The following CHP1 variants were observed in gnomAD, a reference collection of about 807,000 sequenced individuals.
CHP1 encodes the protein calcineurin B homologous protein 1.
Under a neutral mutation model 27.4 loss-of-function variants are expected in CHP1, and 11 were observed. The observed-to-expected ratio is 0.40, with a 90% CI of 0.25 to 0.67. The LOEUF is 0.67. CHP1 is among the 30% of genes least tolerant of loss of function. CHP1 has a pLI of 0.38. For missense variants in CHP1, 169 were observed against 251.3 expected (o/e 0.67, Z 2.22); for synonymous variants, 89 against 87.4 (o/e 1.02, Z -0.10).
At chr15:41,277,364 C>G (rs2047524167) in intron 5 of CHP1, among the ~76,000 whole-genome samples, 1 of 152,190 alleles carries the variant, frequency 6.6e-6, no homozygotes, top group African/African-American at 2.4e-5. Context: ...ATATCTGTGG[C>G]TGGGCATGGT....
Position 41,275,634 on chromosome 15 carries a change from T to C in CHP1, c.412-3133T>C, listed in dbSNP as rs117995446. ...GGAGTGCAGCAACTATTCACAGGCATGATCATAGCACACTGCAGCCTTGAA... is the reference window on the plus strand; with the variant it reads ...GGAGTGCAGCAACTATTCACAGGCACGATCATAGCACACTGCAGCCTTGAA... On this transcript the variant is annotated intron_variant, in intron 5 of 6. Coordinates refer to ENST00000334660, the MANE Select transcript of CHP1 (RefSeq NM_007236.5). Among the ~76,000 whole-genome samples, 1,056 of 152,302 alleles carry C rather than the reference T, an allele frequency of 6.9e-3. 19 individuals are homozygous for C. Among genetic ancestry groups the C allele is most frequent in the East Asian group, 0.055 (283 of 5,178 alleles).
intron 6 of CHP1, 109 bp from the exon 7 acceptor site, chr15:41,279,227 G>A: frequency 6.5e-6 from 5 of 773,592 alleles, no homozygotes; most frequent in South Asian, 1.8e-5. Flanking sequence ...AAAAAAAAAA[G>A]TTACGTTTTA....
chr15:41,242,023 T>C (rs942166802), intron 1 of CHP1, among the ~76,000 whole-genome samples: 1 of 152,172 alleles, frequency 6.6e-6, no homozygotes, highest in African/African-American at 2.4e-5. Context: ...AAGGCCTTTT[T>C]GAGTTTTTAG....
intron 5 of CHP1, among the ~76,000 whole-genome samples, chr15:41,277,070 A>G (rs560879178): frequency 6.6e-6 from 1 of 152,346 alleles, no homozygotes; most frequent in South Asian, 2.1e-4. Context: ...TTCTGCTTAC[A>G]TCATTGCCTA....
intron 1 of CHP1, among the ~76,000 whole-genome samples, chr15:41,241,042 G>C (rs1003876474): frequency 6.6e-6 from 1 of 152,076 alleles, no homozygotes; most frequent in Non-Finnish European, 1.5e-5. Flanking sequence ...TAGTAGAGAC[G>C]AGGTTTCGCC....
intron 1 of CHP1, among the ~76,000 whole-genome samples, chr15:41,233,960 A>T (rs184876354): frequency 1.3e-5 from 2 of 150,132 alleles, no homozygotes; most frequent in African/African-American, 2.4e-5. Context: ...CTTTTTCTTT[A>T]TTTTAGAGAC....
chr15:41,270,741 G>T, intron 5 of CHP1, 123 bp downstream of exon 5: 1 of 731,920 alleles, frequency 1.4e-6, no homozygotes, highest in Non-Finnish European at 2.3e-6. Flanking sequence ...GTCCTGTCCT[G>T]GTTATAAGAC....
intron 5 of CHP1, among the ~76,000 whole-genome samples, chr15:41,274,178 C>T (rs2047507159): frequency 6.6e-6 from 1 of 151,992 alleles, no homozygotes; most frequent in Admixed American, 6.6e-5. Flanking sequence ...CCAGGCTGGT[C>T]TTGAACTCCT....
rs143706833 is a variant in CHP1, at chr15:41,266,225, G to T, written c.349+3342G>T. ...TTGAACCTGGGAGGCTGATATTACA[G>T]TGAGCCGAGATCACGCTATTGCACT... On this transcript the variant is annotated intron_variant, in intron 4 of 6. Coordinates refer to ENST00000334660, the MANE Select transcript of CHP1 (RefSeq NM_007236.5). 1.1e-3 allele frequency among the ~76,000 whole-genome samples: 163 copies of T among 152,272 alleles called. 2 individuals are homozygous for T. The highest frequency in any genetic ancestry group is 3.6e-3 in the African/African-American group (150 of 41,550).
At chr15:41,252,783 C>T (rs1485272002) in intron 2 of CHP1, among the ~76,000 whole-genome samples, 1 of 152,058 alleles carries the variant, frequency 6.6e-6, no homozygotes, top group Non-Finnish European at 1.5e-5. Flanking sequence ...TCGTACATGG[C>T]TCTGTTCTCA....
At chr15:41,240,766 A>T (rs76211310) in intron 1 of CHP1, among the ~76,000 whole-genome samples, 15,708 of 151,540 alleles carry the variant, frequency 0.1, 1,184 homozygotes, top group African/African-American at 0.2. Flanking sequence ...AAAAAAAAAA[A>T]AAAAAAAGAT....
intron 2 of CHP1, among the ~76,000 whole-genome samples, chr15:41,254,007 T>G (rs1448261942): frequency 6.6e-6 from 1 of 151,848 alleles, no homozygotes; most frequent in Non-Finnish European, 1.5e-5. Flanking sequence ...TTGCCCAGGC[T>G]GGTCTCGAAC....
rs566590532 is a variant in CHP1 at position 41,263,888 on chromosome 15, A to C, written c.349+1005A>C. The stretch of plus-strand genomic sequence containing the variant: ...TCTGTCTCAACAAAGAAAAGAAAAC[A>C]AAACAAAATCTTCGAAATAGCACTA... On this transcript the variant is annotated intron_variant, in intron 4 of 6. Coordinates refer to ENST00000334660, the MANE Select transcript of CHP1 (RefSeq NM_007236.5). 8.4e-4 allele frequency among the ~76,000 whole-genome samples: 128 copies of C among 152,260 alleles called. 1 individual carries two copies. The Middle Eastern group carries it at 0.01, about 12-fold the overall frequency.
intron 3 of CHP1, among the ~76,000 whole-genome samples, chr15:41,259,900 C>T (rs561748718): frequency 4.6e-5 from 7 of 152,288 alleles, no homozygotes; most frequent in African/African-American, 1.4e-4. Context: ...ACTACAGGCT[C>T]ACGCCACCAC....
intron 1 of CHP1, among the ~76,000 whole-genome samples, chr15:41,235,011 A>T (rs1392356525): frequency 6.6e-6 from 1 of 152,188 alleles, no homozygotes; most frequent in Non-Finnish European, 1.5e-5. Flanking sequence ...AACTGTTATG[A>T]TGTTTTAACA....
intron 5 of CHP1, among the ~76,000 whole-genome samples, chr15:41,274,315 A>G (rs1358626156): frequency 6.6e-6 from 1 of 152,136 alleles, no homozygotes; most frequent in Non-Finnish European, 1.5e-5. Flanking sequence ...GGGAGCACTG[A>G]GCTGGGAATG....
intron 4 of CHP1, among the ~76,000 whole-genome samples, chr15:41,270,124 C>T (rs2047481109): frequency 2.6e-5 from 4 of 152,014 alleles, no homozygotes; most frequent in Admixed American, 2.6e-4. Context: ...ACAATTTTGC[C>T]CAGGAGGCTC....
rs8030098 is a variant in CHP1, at chr15:41,256,750, A to C, written c.141-160A>C. On this transcript the variant is annotated intron_variant, in intron 2 of 6. Coordinates refer to ENST00000334660, the MANE Select transcript of CHP1 (RefSeq NM_007236.5). ...TTGGTGCAAGAAACACTTGGCAGCT[A>C]TTAAAGTGCTATTCTTTGCAGTTAT... 6,529 of 641,088 alleles carry C rather than the reference A, an allele frequency of 0.01. 347 individuals carry two copies. The African/African-American group carries it at 0.11, about 11-fold the overall frequency. 39.7% of individuals were successfully genotyped at this position (641,088 alleles called of 1,614,324 possible).
At chr15:41,259,969 A>G (rs1459208204) in intron 3 of CHP1, among the ~76,000 whole-genome samples, 1 of 152,176 alleles carries the variant, frequency 6.6e-6, no homozygotes, top group African/African-American at 2.4e-5. Flanking sequence ...ACCTCAGGTG[A>G]TCCGCCCGCC....
Sources: allele counts gnomAD v4.1 joint callset (sites outside exome capture counted in the v4.1 genomes callset), GRCh38; gene constraint gnomAD v4.1.1; transcripts MANE v1.5; gene names NCBI Gene and HGNC (gene_info 2026-07-23, HGNC 2026-07-21).